The following TAMALIN variants were observed in gnomAD, a reference collection of about 807,000 sequenced individuals.
TAMALIN encodes trafficking regulator and scaffold protein tamalin.
TAMALIN carries 9 observed loss-of-function variants against 38.5 expected under a neutral mutation model. The observed-to-expected ratio is 0.23, with a 90% CI of 0.14 to 0.41. The LOEUF (loss-of-function observed/expected upper bound fraction) is 0.41. Among genes scored for constraint, TAMALIN ranks in the 10% least tolerant of loss-of-function variants. The pLI, the probability that TAMALIN is intolerant of heterozygous loss-of-function variation, is 1.00. For synonymous variants in TAMALIN, 306 were observed against 256.5 expected, an observed-to-expected ratio of 1.19 and a Z score of -1.85; for missense variants, 548 against 554.1, an observed-to-expected ratio of 0.99 and a Z score of 0.11.
At position 52,013,924 on chromosome 12, in the gene TAMALIN, C is replaced by T. The variant is rs1383613933; in HGVS notation, c.596C>T (p.Ala199Val). ...GTSIRKAELE[A>V]RLQYLKQTLY... ...TCAATTCGGAAGGCAGAACTGGAGG[C>T]TCGTCTGCAGTACCTGAAGGTAGGG... is the stretch of plus-strand genomic sequence containing the variant. Residue 199 changes from alanine (A) to valine (V), a missense_variant, in exon 6 of 8, where the codon GCT becomes GTT. Physicochemically the swap from Ala to Val is moderately conservative, Grantham distance 64 (BLOSUM62 0). Transcript: ENST00000293662. 1.2e-6 allele frequency: 2 copies of T among 1,614,122 alleles called. No individual in the cohort carries two copies. Among genetic ancestry groups the T allele is most frequent in the Admixed American group, 1.7e-5 (1 of 60,018 alleles).
In TAMALIN at chr12:52,007,782, G is replaced by A; in HGVS notation, c.246+517G>A. 3.0e-6 allele frequency: 3 copies of A among 985,438 alleles called. No individual in the cohort carries two copies. Among genetic ancestry groups the A allele is most frequent in the Non-Finnish European group, 3.6e-6 (3 of 829,920 alleles). The allele number at this position is 985,438 out of a possible 1,614,324, so 61.0% of individuals were successfully genotyped here. A position where few individuals can be genotyped will look rare whatever the true frequency, so the allele number is the denominator to read the frequency against. ...GAGGGGACTCCCCGATTCCTGGGCT[G>A]GGGGCCTGCCGCCTGGCCCCACGTC... is the stretch of plus-strand genomic sequence containing the variant. On this transcript the variant is annotated intron_variant, in intron 1 of 7. Coordinates refer to ENST00000293662, the MANE Select transcript of TAMALIN (RefSeq NM_181711.4). This position sits in a 1 kb window ranked among gnomAD's most constrained non-coding sequence, Gnocchi z 6.7.
chr12:52,007,159 C>T lies in TAMALIN; in HGVS notation c.140C>T (p.Thr47Ile), dbSNP rs2120818766. The change falls in exon 1 of 8, where the codon ACC becomes ATC. Residue 47 changes from threonine (T) to isoleucine (I), a missense_variant. Physicochemically the swap from Thr to Ile is moderately conservative, Grantham distance 89 (BLOSUM62 -1). Transcript: ENST00000293662. The surrounding 1 kb of genome is among the most constrained non-coding windows in gnomAD (Gnocchi z 6.7). ...PTPGPPAAAA[T>I]PGPPADELYA... ...CCGGGACCCCCTGCCGCAGCCGCCA[C>T]CCCTGGGCCCCCAGCGGACGAGCTG... is the stretch of plus-strand genomic sequence containing the variant. The T allele has an allele frequency of 4.7e-6, 7 of 1,495,458 alleles. No individual in the cohort carries two copies. The highest frequency in any genetic ancestry group is 5.3e-6 in the Non-Finnish European group (6 of 1,131,672). 92.6% of individuals were successfully genotyped at this position (1,495,458 alleles called of 1,614,324 possible). A position where few individuals can be genotyped will look rare whatever the true frequency, so the allele number is the denominator to read the frequency against.
At chr12:52,010,521 G>A in intron 2 of TAMALIN, 1 of 1,123,038 alleles carries the variant, frequency 8.9e-7, no homozygotes, top group South Asian at 2.2e-5. Context: ...TGGAACAGAG[G>A]AGGCTCCAGG....
intron 2 of TAMALIN, among the ~76,000 whole-genome samples, chr12:52,009,727 C>T (rs1592271630): frequency 6.6e-6 from 1 of 152,188 alleles, no homozygotes; most frequent in African/African-American, 2.4e-5. Context: ...GGGATCTGAG[C>T]GTGGGCAGAA....
At chr12:52,012,352 C>A (rs1221966264) in intron 4 of TAMALIN, among the ~76,000 whole-genome samples, 1 of 152,202 alleles carries the variant, frequency 6.6e-6, no homozygotes, top group Non-Finnish European at 1.5e-5. Flanking sequence ...CTCCCAGATT[C>A]AAGCAATTCT....
In TAMALIN at chr12:52,006,980, G is replaced by A. The variant is rs779829343; in HGVS notation, c.-40G>A. The A allele has an allele frequency of 1.1e-5, 14 of 1,332,798 alleles. No homozygotes were observed. In the East Asian group the frequency reaches 3.8e-4, roughly 36 times the overall value. The allele number at this position is 1,332,798 out of a possible 1,614,324, so 82.6% of individuals were successfully genotyped here. ...CAGCCGCCGCCAGCCCCGCCGAGGG[G>A]AGCCAGCGCCGTCTCTGAGGGGCGT... On this transcript the variant is annotated 5_prime_UTR_variant, in exon 1 of 8. Coordinates refer to ENST00000293662, the MANE Select transcript of TAMALIN (RefSeq NM_181711.4).
intron 6 of TAMALIN, 44 bp downstream of exon 6, chr12:52,013,987 C>G: frequency 6.3e-7 from 1 of 1,598,824 alleles, no homozygotes; most frequent in African/African-American, 1.3e-5. Context: ...CTCCTCTTCC[C>G]AAGCCTCTGC....
At chr12:52,010,828 G>T in intron 2 of TAMALIN, 53 bp from the exon 3 acceptor site, 1 of 1,595,204 alleles carries the variant, frequency 6.3e-7, no homozygotes, top group South Asian at 1.1e-5. Flanking sequence ...CCCAAGCTAT[G>T]GGACTTCTAC....
In TAMALIN at chr12:52,007,085, C is replaced by T; in HGVS notation, c.66C>T (p.Ala22=). The T allele has an allele frequency of 6.8e-7, 1 of 1,477,948 alleles. No homozygotes were observed. The highest frequency in any genetic ancestry group is 8.9e-7 in the Non-Finnish European group (1 of 1,121,838). The allele number at this position is 1,477,948 out of a possible 1,614,324, so 91.6% of individuals were successfully genotyped here. A position where few individuals can be genotyped will look rare whatever the true frequency, so the allele number is the denominator to read the frequency against. Residue 22 remains alanine, a synonymous_variant, in exon 1 of 8, where the codon GCC becomes GCT. Transcript: ENST00000293662. The surrounding 1 kb of genome is among the most constrained non-coding windows in gnomAD (Gnocchi z 6.7). The part of the protein sequence containing the change: ...KEEAAATPDP[A]ARTPDSEVAP... Reference sequence around the variant, plus strand: ...AGGCGGCGGCCACCCCGGACCCCGCCGCCCGGACTCCCGACTCGGAAGTCG... The same window carrying T: ...AGGCGGCGGCCACCCCGGACCCCGCTGCCCGGACTCCCGACTCGGAAGTCG...
In TAMALIN at chr12:52,007,873, G is replaced by A. The variant is rs1218660344; in HGVS notation, c.246+608G>A. ...GTCGGAACCGGACGCAGTGGGAGGG[G>A]TCGCAGGGCGCCCGCGGGGCAGGAA... On this transcript the variant is annotated intron_variant, in intron 1 of 7. Transcript: ENST00000293662. This position sits in a 1 kb window ranked among gnomAD's most constrained non-coding sequence, Gnocchi z 6.7. The A allele has an allele frequency of 6.1e-6, 6 of 985,280 alleles. No individual in the cohort carries two copies. Among genetic ancestry groups the A allele is most frequent in the Non-Finnish European group, 7.2e-6 (6 of 829,920 alleles). 61.0% of individuals were successfully genotyped at this position (985,280 alleles called of 1,614,324 possible). A position where few individuals can be genotyped will look rare whatever the true frequency, so the allele number is the denominator to read the frequency against.
chr12:52,012,208 C>T (rs151029651), intron 4 of TAMALIN, among the ~76,000 whole-genome samples: 1 of 152,330 alleles, frequency 6.6e-6, no homozygotes, highest in Non-Finnish European at 1.5e-5. Flanking sequence ...GAACTCACTC[C>T]CCAAAAACAG....
At chr12:52,009,384 T>A in intron 2 of TAMALIN, 145 bp downstream of exon 2, 1 of 763,620 alleles carries the variant, frequency 1.3e-6, no homozygotes, top group Non-Finnish European at 2.2e-6. Flanking sequence ...TGAGGGCAGG[T>A]GGGGGTGAGG....
chr12:52,014,212 C>T lies in TAMALIN; in HGVS notation c.682+11C>T, dbSNP rs760473396. ...AGCGGCTGGTGCATGGTGAGTAGAT[C>T]CCGGGGTGTGAGGGGCCACTTGTTC... is the stretch of plus-strand genomic sequence containing the variant. On this transcript the variant is annotated intron_variant, in intron 7 of 7. Transcript: ENST00000293662. The T allele has an allele frequency of 2.7e-5, 43 of 1,590,020 alleles. No individual in the cohort carries two copies. In the South Asian group the frequency reaches 4.3e-4, roughly 16 times the overall value.
At position 52,007,837 on chromosome 12, in the gene TAMALIN, C is replaced by T; in HGVS notation, c.246+572C>T. On this transcript the variant is annotated intron_variant, in intron 1 of 7. Transcript: ENST00000293662. This position sits in a 1 kb window ranked among gnomAD's most constrained non-coding sequence, Gnocchi z 6.7. ...GTACGGGGCGCGAGGGCCACTGCTC[C>T]CTGGACTTCTGTCGGAACCGGACGC... 1 of 985,462 alleles carries T rather than the reference C, an allele frequency of 1.0e-6. No homozygotes were observed. The highest frequency in any genetic ancestry group is 5.2e-4 in the Middle Eastern group (1 of 1,914). The allele number at this position is 985,462 out of a possible 1,614,324, so 61.0% of individuals were successfully genotyped here. A position where few individuals can be genotyped will look rare whatever the true frequency, so the allele number is the denominator to read the frequency against.
rs1357483882 is a variant in TAMALIN, at chr12:52,006,957, G to GCCGCCGCCAGCC, written c.-56_-45dup. 9.6e-7 allele frequency: 1 copy of GCCGCCGCCAGCC among 1,040,542 alleles called. No homozygotes were observed. The highest frequency in any genetic ancestry group is 1.2e-6 in the Non-Finnish European group (1 of 864,870). The allele number at this position is 1,040,542 out of a possible 1,614,324, so 64.5% of individuals were successfully genotyped here. A position where few individuals can be genotyped will look rare whatever the true frequency, so the allele number is the denominator to read the frequency against. ...CGGCCCGCCCGGCTGGCATCCCCCA[G>GCCGCCGCCAGCC]CCGCCGCCAGCCCCGCCGAGGGGAG... is the stretch of plus-strand genomic sequence containing the variant. On this transcript the variant is annotated 5_prime_UTR_variant, in exon 1 of 8. Coordinates refer to ENST00000293662, the MANE Select transcript of TAMALIN (RefSeq NM_181711.4).
Position 52,015,846 on chromosome 12 carries a change from G to A in TAMALIN, c.*647G>A, listed in dbSNP as rs1565633349. On this transcript the variant is annotated 3_prime_UTR_variant, in exon 8 of 8. Transcript: ENST00000293662. ...AGACTGTTCCACCGTTGTGCATATTGTTGCTTCTGAACCACAAACTGTATA... is the reference window on the plus strand; with the variant it reads ...AGACTGTTCCACCGTTGTGCATATTATTGCTTCTGAACCACAAACTGTATA... 1 of 152,814 alleles carries A rather than the reference G, an allele frequency of 6.5e-6. No homozygotes were observed. Among genetic ancestry groups the A allele is most frequent in the African/African-American group, 2.4e-5 (1 of 41,464 alleles). 9.5% of individuals were successfully genotyped at this position (152,814 alleles called of 1,614,324 possible).
chr12:52,008,272 G>A (rs1042252920), intron 1 of TAMALIN: 2 of 985,238 alleles, frequency 2.0e-6, no homozygotes, highest in Non-Finnish European at 2.4e-6. Flanking sequence ...GCCCTGGGCT[G>A]TGCAGGCTCC....
intron 2 of TAMALIN, among the ~76,000 whole-genome samples, chr12:52,010,060 T>C (rs1319481269): frequency 1.3e-5 from 2 of 152,160 alleles, no homozygotes; most frequent in African/African-American, 2.4e-5. Flanking sequence ...CCCTGCTCCC[T>C]GCCCCAATAG....
At chr12:52,010,745 G>A (rs1253392541) in intron 2 of TAMALIN, 136 bp from the exon 3 acceptor site, 1 of 1,053,356 alleles carries the variant, frequency 9.5e-7, no homozygotes, top group Non-Finnish European at 1.4e-6. Context: ...AATAATCTGT[G>A]ATGAGACTGA....
Sources: allele counts gnomAD v4.1 joint callset (sites outside exome capture counted in the v4.1 genomes callset), GRCh38; gene constraint gnomAD v4.1.1; non-coding constraint Gnocchi (gnomAD v3.1); transcripts MANE v1.5; gene names NCBI Gene and HGNC (gene_info 2026-07-23, HGNC 2026-07-21).